Variants in LRP5 observed in about 807,000 individuals in gnomAD.
LRP5 encodes LDL receptor related protein 5, also known as low-density lipoprotein receptor-related protein 5.
Under a neutral mutation model 154.1 loss-of-function variants are expected in LRP5, and 62 were observed. The ratio of observed to expected loss-of-function variants is 0.40; its 90% CI spans 0.33 to 0.50. The LOEUF is 0.50. LRP5 is among the 20% of genes least tolerant of loss of function. The pLI, the probability that LRP5 is intolerant of heterozygous loss-of-function variation, is 0.55. For missense variants in LRP5, 1,915 were observed against 2,336.7 expected (o/e 0.82, Z 3.72); for synonymous variants, 966 against 1,011.5 (o/e 0.96, Z 0.85).
chr11:68,360,278 A>G (rs1286378792), intron 3 of LRP5, among the ~76,000 whole-genome samples: 1 of 152,160 alleles, frequency 6.6e-6, no homozygotes, highest in Admixed American at 6.5e-5. Context: ...CGGCCTCTCA[A>G]AGCACTGGGA....
upstream of LRP5, among the ~76,000 whole-genome samples, chr11:68,307,737 G>A (rs2098584752): frequency 6.6e-6 from 1 of 151,806 alleles, no homozygotes; most frequent in Non-Finnish European, 1.5e-5. Flanking sequence ...AGGATCACTT[G>A]AGCCTGGGAG....
At chr11:68,336,943 A>C (rs2098606023) in intron 1 of LRP5, among the ~76,000 whole-genome samples, 1 of 152,342 alleles carries the variant, frequency 6.6e-6, no homozygotes, top group Non-Finnish European at 1.5e-5. Context: ...TTGACCACAA[A>C]CAATGGTGCA....
chr11:68,347,502 G>A (rs1279111957), intron 1 of LRP5, among the ~76,000 whole-genome samples: 1 of 152,244 alleles, frequency 6.6e-6, no homozygotes, highest in African/African-American at 2.4e-5. Flanking sequence ...TGCAGAACAG[G>A]ACAGGGCCCC....
intron 7 of LRP5, among the ~76,000 whole-genome samples, chr11:68,402,730 C>T (rs910792235): frequency 6.6e-6 from 1 of 152,208 alleles, no homozygotes; most frequent in African/African-American, 2.4e-5. Context: ...GCACCTGGGG[C>T]AGGCATTGCT....
chr11:68,316,388 C>T (rs1226850737), intron 1 of LRP5, among the ~76,000 whole-genome samples: 1 of 152,130 alleles, frequency 6.6e-6, no homozygotes, highest in African/African-American at 2.4e-5. Flanking sequence ...TCTCCTGCCT[C>T]AGGCTCCCAA....
intron 1 of LRP5, among the ~76,000 whole-genome samples, chr11:68,331,167 G>C (rs190229435): frequency 6.6e-6 from 1 of 152,196 alleles, no homozygotes; most frequent in Admixed American, 6.5e-5. Flanking sequence ...ATCCTTTACT[G>C]GTTGGGAAGA....
intron 5 of LRP5, among the ~76,000 whole-genome samples, chr11:68,374,136 G>A (rs1335446341): frequency 1.3e-5 from 2 of 152,218 alleles, no homozygotes; most frequent in East Asian, 1.9e-4. Context: ...ATGGAGTGGG[G>A]GCAGCGGGAG....
In LRP5 at chr11:68,447,311, G is replaced by A. The variant is rs2098681985; in HGVS notation, c.4586+778G>A. Reference sequence around the variant, plus strand: ...GAAGGGGTGGGATAGGCTGGGCCTGGGCCAGGACACCTCTGGACCACGCAT... The same window carrying A: ...GAAGGGGTGGGATAGGCTGGGCCTGAGCCAGGACACCTCTGGACCACGCAT... On this transcript the variant is annotated intron_variant, in intron 22 of 22. Coordinates refer to ENST00000294304, the MANE Select transcript of LRP5 (RefSeq NM_002335.4). This position sits in a 1 kb window ranked among gnomAD's most constrained non-coding sequence, Gnocchi z 4.3. Among the ~76,000 whole-genome samples, 1 of 152,204 alleles carries A rather than the reference G, an allele frequency of 6.6e-6. No homozygotes were observed. The highest frequency in any genetic ancestry group is 2.4e-5 in the African/African-American group (1 of 41,448).
At chr11:68,327,840 G>A (rs2098600582) in intron 1 of LRP5, among the ~76,000 whole-genome samples, 1 of 152,186 alleles carries the variant, frequency 6.6e-6, no homozygotes, top group Non-Finnish European at 1.5e-5. Context: ...CCCCTCGCAC[G>A]CTGTCAGTCC....
In LRP5 at chr11:68,321,766, T is replaced by A. The variant is rs114208321; in HGVS notation, c.91+8961T>A. On this transcript the variant is annotated intron_variant, in intron 1 of 22. Coordinates refer to ENST00000294304, the MANE Select transcript of LRP5 (RefSeq NM_002335.4). ...CTCCCTAGTTAATCCCAGAGCAAAATGTGGGCACCTTTCATTTCTTCCTTG... is the reference window on the plus strand; with the variant it reads ...CTCCCTAGTTAATCCCAGAGCAAAAAGTGGGCACCTTTCATTTCTTCCTTG... Among the ~76,000 whole-genome samples, 1,139 of 152,304 alleles carry A rather than the reference T, an allele frequency of 7.5e-3. 16 individuals are homozygous for A. Among genetic ancestry groups the A allele is most frequent in the African/African-American group, 0.026 (1,078 of 41,560 alleles).
chr11:68,446,710 G>A (rs1319275963), intron 22 of LRP5, among the ~76,000 whole-genome samples, 177 bp downstream of exon 22: 4 of 152,222 alleles, frequency 2.6e-5, no homozygotes, highest in Admixed American at 6.5e-5. Context: ...CCCCAGACAA[G>A]CTCAGCGGGC....
In LRP5 at chr11:68,433,823, G is replaced by A. The variant is rs775143370; in HGVS notation, c.3985G>A (p.Glu1329Lys). Residue 1329 changes from glutamate (E) to lysine (K), a missense_variant, in exon 18 of 23, where the codon GAG (glutamate) becomes AAG (lysine). Glu to Lys is a moderately conservative substitution (Grantham distance 56). Coordinates refer to ENST00000294304, the MANE Select transcript of LRP5 (RefSeq NM_002335.4). ...GEADCQDRSD[E>K]ADCDAICLPN... The stretch of plus-strand genomic sequence containing the variant: ...GGCAGACTGTCAGGACCGCTCAGAC[G>A]AGGCGGACTGTGACGGTGAGGCCCT... 7 of 1,612,340 alleles carry A rather than the reference G, an allele frequency of 4.3e-6. No individual in the cohort carries two copies. The highest frequency in any genetic ancestry group is 5.9e-6 in the Non-Finnish European group (7 of 1,179,720).
chr11:68,368,406 G>A (rs902753415), intron 5 of LRP5, among the ~76,000 whole-genome samples: 13 of 152,366 alleles, frequency 8.5e-5, no homozygotes, highest in East Asian at 1.9e-4. Flanking sequence ...AAGGCGAGAA[G>A]GAACAGCACG....
At chr11:68,370,895 G>A (rs1302896868) in intron 5 of LRP5, among the ~76,000 whole-genome samples, 3 of 152,150 alleles carry the variant, frequency 2.0e-5, no homozygotes, top group African/African-American at 7.2e-5. Context: ...TCTGTCAAAG[G>A]GAGGAAAAAG....
intron 7 of LRP5, among the ~76,000 whole-genome samples, chr11:68,390,523 G>T (rs1434193319): frequency 6.6e-6 from 1 of 152,288 alleles, no homozygotes; most frequent in Non-Finnish European, 1.5e-5. Flanking sequence ...TTGGTGATTG[G>T]TTCCTAAGCA....
intron 7 of LRP5, among the ~76,000 whole-genome samples, chr11:68,396,930 A>C (rs2098649733): frequency 6.6e-6 from 1 of 152,106 alleles, no homozygotes; most frequent in South Asian, 2.1e-4. Context: ...AGGTCCCCTG[A>C]TTGCATCCCC....
intron 5 of LRP5, among the ~76,000 whole-genome samples, chr11:68,380,517 A>G (rs1288162856): frequency 1.3e-5 from 2 of 152,186 alleles, no homozygotes; most frequent in Admixed American, 1.3e-4. Context: ...TCCGACGATA[A>G]CCACTGTTGA....
At chr11:68,377,031 A>G (rs2098637727) in intron 5 of LRP5, among the ~76,000 whole-genome samples, 2 of 152,140 alleles carry the variant, frequency 1.3e-5, no homozygotes, top group African/African-American at 4.8e-5. Flanking sequence ...CTGTAATCCC[A>G]GCACTTTAGG....
intron 3 of LRP5, among the ~76,000 whole-genome samples, chr11:68,360,978 C>A (rs1259235485): frequency 2.2e-5 from 2 of 89,500 alleles, no homozygotes; most frequent in Non-Finnish European, 4.0e-5. Context: ...GCCTGGGCGA[C>A]AGAGCAAGAC....
Sources: gnomAD v4.1 joint callset for allele counts (sites outside exome capture counted in the v4.1 genomes callset) on GRCh38, gnomAD v4.1.1 for gene constraint, Gnocchi (gnomAD v3.1) non-coding constraint, MANE v1.5 for transcripts, NCBI Gene and HGNC (gene_info 2026-07-23, HGNC 2026-07-21) for gene names.